Variants in CEP250 observed in about 807,000 individuals in gnomAD.
CEP250 encodes centrosomal protein 250.
In CEP250, 242 loss-of-function variants were observed where a neutral mutation model predicts 315.7. The ratio of observed to expected loss-of-function variants is 0.77; its 90% CI spans 0.69 to 0.85. The LOEUF (loss-of-function observed/expected upper bound fraction) is 0.85. Among genes scored for constraint, CEP250 ranks in the 40% least tolerant of loss-of-function variants. CEP250 has a pLI of 0.00. For synonymous variants in CEP250, 1,088 were observed against 1,175.0 expected, an observed-to-expected ratio of 0.93 and a Z score of 1.51; for missense variants, 2,515 against 2,886.4, an observed-to-expected ratio of 0.87 and a Z score of 2.95.
chr20:35,466,352 C>A, intron 7 of CEP250, 148 bp downstream of exon 7: 2 of 975,556 alleles, frequency 2.1e-6, no homozygotes, highest in Non-Finnish European at 3.0e-6. Context: ...CCTGCGCATG[C>A]TGGCAGCCTC....
At chr20:35,487,044 C>G (rs1459176816) in intron 20 of CEP250, among the ~76,000 whole-genome samples, 1 of 152,164 alleles carries the variant, frequency 6.6e-6, no homozygotes, top group Non-Finnish European at 1.5e-5. Flanking sequence ...TTCAGCTAAT[C>G]CTCCTGACTT....
At position 35,503,086 on chromosome 20, in the gene CEP250, C is replaced by T; in HGVS notation, c.4717C>T (p.Gln1573Ter). Reference protein sequence around the residue: ...EENHHKMECQQKLIKELEGQR... With the variant: ...EENHHKMECQ ...AAACCATCACAAGATGGAGTGCCAGCAAAAACTGATCAAGGAGCTGGAGGG... is the reference window on the plus strand; with the variant it reads ...AAACCATCACAAGATGGAGTGCCAGTAAAAACTGATCAAGGAGCTGGAGGG... Residue 1573 changes from glutamine to a stop codon, truncating the protein, a stop_gained, in exon 30 of 35, where the codon CAA becomes TAA. Coordinates refer to ENST00000397527, the MANE Select transcript of CEP250 (RefSeq NM_007186.6). LOFTEE classifies it high-confidence loss of function. This position sits in a 1 kb window ranked among gnomAD's most constrained non-coding sequence, Gnocchi z 4.2. 6.2e-7 allele frequency: 1 copy of T among 1,614,088 alleles called. No homozygotes were observed. Among genetic ancestry groups the T allele is most frequent in the Non-Finnish European group, 8.5e-7 (1 of 1,180,012 alleles).
At chr20:35,490,920 G>C in intron 21 of CEP250, 116 bp downstream of exon 21, 3 of 1,261,830 alleles carry the variant, frequency 2.4e-6, no homozygotes, top group Non-Finnish European at 3.3e-6. Flanking sequence ...AGAGAGGGTA[G>C]CTACCCACTT....
Position 35,504,877 on chromosome 20 carries a change from A to C in CEP250, c.6508A>C (p.Arg2170=). The C allele has an allele frequency of 6.2e-7, 1 of 1,614,208 alleles. No homozygotes were observed. ...GACAGAAGCCAGGGAGATTGAGTGG[A>C]GGGAGAAGGCCCAGGACTTGGCACT... ...RQTEAREIEW[R]EKAQDLALSL... Residue 2170 remains arginine, a synonymous_variant, in exon 30 of 35, where the codon AGG becomes CGG. Transcript: ENST00000397527.
At chr20:35,468,595 A>T (rs574913974) in intron 9 of CEP250, among the ~76,000 whole-genome samples, 42 of 152,194 alleles carry the variant, frequency 2.8e-4, no homozygotes, top group Non-Finnish European at 5.1e-4. Flanking sequence ...ACTGAGAAGT[A>T]CAAAAGCAGG....
chr20:35,502,109 C>A, intron 29 of CEP250, 143 bp downstream of exon 29: 1 of 1,043,340 alleles, frequency 9.6e-7, no homozygotes, highest in Non-Finnish European at 1.4e-6. Flanking sequence ...GGCCATTATT[C>A]AGGTTCCAAT....
At position 35,504,801 on chromosome 20, in the gene CEP250, A is replaced by G. The variant is rs1568840251; in HGVS notation, c.6432A>G (p.Leu2144=). 6.2e-7 allele frequency: 1 copy of G among 1,614,132 alleles called. No homozygotes were observed. Among genetic ancestry groups the G allele is most frequent in the Non-Finnish European group, 8.5e-7 (1 of 1,180,056 alleles). ...AACAATCTCTAAAACTTGATTCTTT[A>G]GAGCCCAGGCTGCAGCGGGAGCTGG... ...MEEQSLKLDS[L]EPRLQRELER... Residue 2144 remains leucine, a synonymous_variant, in exon 30 of 35, where the codon TTA becomes TTG. Transcript: ENST00000397527.
intron 22 of CEP250, 122 bp downstream of exon 22, chr20:35,491,468 T>G (rs781736837): frequency 2.0e-5 from 22 of 1,075,826 alleles, no homozygotes; most frequent in Non-Finnish European, 2.9e-5. Context: ...ATATGACAAG[T>G]ACATAAAGGT....
chr20:35,497,870 A>C lies in CEP250; in HGVS notation c.3458A>C (p.Gln1153Pro), dbSNP rs372820835. The change falls in exon 26 of 35, where the codon CAG becomes CCG. Residue 1153 changes from glutamine (Q) to proline (P), a missense_variant. Physicochemically the swap from Gln to Pro is moderately conservative, Grantham distance 76. Coordinates refer to ENST00000397527, the MANE Select transcript of CEP250 (RefSeq NM_007186.6). ...WAQEAKAAQL[Q>P]LRLRSTESQL... ...CAGGAAGCCAAGGCAGCCCAACTAC[A>C]GCTGCGACTGCGCAGCACAGAGAGC... The C allele has an allele frequency of 2.5e-6, 4 of 1,596,986 alleles. No homozygotes were observed. The highest frequency in any genetic ancestry group is 2.6e-6 in the Non-Finnish European group (3 of 1,172,062).
In CEP250 at chr20:35,496,605, CAG is replaced by C; in HGVS notation, c.3200_3201del (p.Arg1067ThrfsTer8). The C allele has an allele frequency of 3.1e-6, 5 of 1,614,090 alleles. No homozygotes were observed. Among genetic ancestry groups the C allele is most frequent in the Non-Finnish European group, 4.2e-6 (5 of 1,179,978 alleles). The part of the protein sequence containing the change: ...SLTLSLMEKE[Q>X]RLLVLQEADS... ...GACTCTCTCACTGATGGAAAAGGAA[CAG>C]AGACTCCTTGTTTTACAAGAAGCTG... is the stretch of plus-strand genomic sequence containing the variant. On this transcript the variant is annotated frameshift_variant, in exon 25 of 35. Transcript: ENST00000397527. LOFTEE classifies it high-confidence loss of function.
chr20:35,458,766 GTCTCT>G (rs989443864), intron 2 of CEP250, among the ~76,000 whole-genome samples: 8 of 151,980 alleles, frequency 5.3e-5, no homozygotes, highest in Admixed American at 1.3e-4. Context: ...ATTTTTCTCT[GTCTCT>G]TCTCTTTTAT....
At chr20:35,485,942 C>T (rs2063500797) in intron 20 of CEP250, among the ~76,000 whole-genome samples, 1 of 149,622 alleles carries the variant, frequency 6.7e-6, no homozygotes, top group Admixed American at 6.7e-5. Flanking sequence ...GGATTACAGG[C>T]GTGAGCCACC....
At chr20:35,468,653 C>T (rs1364375597) in intron 9 of CEP250, among the ~76,000 whole-genome samples, 4 of 152,052 alleles carry the variant, frequency 2.6e-5, no homozygotes, top group South Asian at 2.1e-4. Flanking sequence ...CTTCACCTGC[C>T]GTATACTAGA....
rs769010398 is a variant in CEP250, at chr20:35,479,276, C to T, written c.2140C>T (p.His714Tyr). ...EAATTQLEQL[H>Y]QEAKRQEEVL... The stretch of plus-strand genomic sequence containing the variant: ...AGCCACGACTCAGCTGGAGCAGCTA[C>T]ATCAGGAGGCAAAGCGACAGGAAGA... The change falls in exon 18 of 35, where the codon CAT becomes TAT. Residue 714 changes from histidine to tyrosine, a missense_variant. His to Tyr is a moderately conservative substitution (Grantham distance 83, BLOSUM62 2). Coordinates refer to ENST00000397527, the MANE Select transcript of CEP250 (RefSeq NM_007186.6). 2 of 1,614,168 alleles carry T rather than the reference C, an allele frequency of 1.2e-6. No individual in the cohort carries two copies. The highest frequency in any genetic ancestry group is 2.2e-5 in the South Asian group (2 of 91,088).
Position 35,467,451 on chromosome 20 carries a change from A to G in CEP250, c.747A>G (p.Leu249=), listed in dbSNP as rs771729918. The part of the protein sequence containing the change: ...DGREPAQLLL[L]LAKTQELEKE... ...GGGAGCCGGCCCAGCTGCTGCTGCT[A>G]CTAGCCAAGACCCAGGAGCTGGAGA... The change falls in exon 9 of 35, where the codon CTA becomes CTG. Residue 249 remains leucine, a synonymous_variant. Coordinates refer to ENST00000397527, the MANE Select transcript of CEP250 (RefSeq NM_007186.6). 4 of 1,614,068 alleles carry G rather than the reference A, an allele frequency of 2.5e-6. No individual in the cohort carries two copies. Among genetic ancestry groups the G allele is most frequent in the African/African-American group, 1.3e-5 (1 of 74,916 alleles).
intron 3 of CEP250, among the ~76,000 whole-genome samples, chr20:35,461,122 T>C (rs576755379): frequency 6.6e-6 from 1 of 152,334 alleles, no homozygotes; most frequent in African/African-American, 2.4e-5. Context: ...TTGAAATTTC[T>C]ACTGTATGTG....
intron 26 of CEP250, 92 bp downstream of exon 26, chr20:35,498,159 A>G (rs2063898614): frequency 1.1e-6 from 1 of 952,022 alleles, no homozygotes; most frequent in South Asian, 1.8e-5. Context: ...GTTAGACCAT[A>G]TTGCTTCAGG....
intron 27 of CEP250, 58 bp from the exon 28 acceptor site, chr20:35,499,991 C>T: frequency 6.2e-7 from 1 of 1,608,324 alleles, no homozygotes; most frequent in Non-Finnish European, 8.5e-7. Context: ...AGCTTGAGCC[C>T]TGCATTGTTT....
In CEP250 at chr20:35,511,974, A is replaced by G; in HGVS notation, c.*348A>G. The G allele has an allele frequency of 9.3e-7, 1 of 1,073,718 alleles. No individual in the cohort carries two copies. The allele number at this position is 1,073,718 out of a possible 1,614,324, so 66.5% of individuals were successfully genotyped here. A position where few individuals can be genotyped will look rare whatever the true frequency, so the allele number is the denominator to read the frequency against. ...AATAAACCCTGGGATCTTTGCATTC[A>G]TTTTCTGCTGCTGTCTCCACTTGTG... On this transcript the variant is annotated 3_prime_UTR_variant, in exon 35 of 35. Transcript: ENST00000397527.
Sources: gnomAD v4.1 joint callset for allele counts (sites outside exome capture counted in the v4.1 genomes callset) on GRCh38, gnomAD v4.1.1 for gene constraint, Gnocchi (gnomAD v3.1) non-coding constraint, MANE v1.5 for transcripts, NCBI Gene and HGNC (gene_info 2026-07-23, HGNC 2026-07-21) for gene names.